PGAP4: variants seen among roughly 807,000 people sequenced by gnomAD.
PGAP4 encodes GPI-N-acetylgalactosamine transferase PGAP4.
PGAP4 carries 12 observed loss-of-function variants against 28.2 expected under a neutral mutation model. That is an observed-to-expected ratio of 0.42 (90% CI 0.27 to 0.69). PGAP4 has a LOEUF of 0.69. Ranked by LOEUF, PGAP4 falls within the 30% of genes least tolerant of loss-of-function variation. PGAP4 has a pLI of 0.22. For synonymous variants in PGAP4, 205 were observed against 211.8 expected (o/e 0.97, Z 0.28); for missense variants, 425 against 513.5 (o/e 0.83, Z 1.67).
At chr9:101,528,613 T>C (rs563609947) in intron 2 of PGAP4, among the ~76,000 whole-genome samples, 47 of 152,242 alleles carry the variant, frequency 3.1e-4, no homozygotes, top group African/African-American at 1.1e-3. Flanking sequence ...AACAGTAATA[T>C]GGAAGAGTAG....
intron 2 of PGAP4, among the ~76,000 whole-genome samples, chr9:101,515,076 G>A (rs1415066143): frequency 6.6e-6 from 1 of 152,118 alleles, no homozygotes; most frequent in African/African-American, 2.4e-5. Flanking sequence ...AATCACTACA[G>A]ATTCAAAACA....
In PGAP4 at chr9:101,473,182, T is replaced by C. The variant is rs1304296182; in HGVS notation, c.*2699A>G. 6.6e-6 allele frequency: 1 copy of C among 152,166 alleles called. No homozygotes were observed. Among genetic ancestry groups the C allele is most frequent in the Non-Finnish European group, 1.5e-5 (1 of 68,022 alleles). 9.4% of individuals were successfully genotyped at this position (152,166 alleles called of 1,614,324 possible). ...GTCTTCTCAGAAAGCCTTAGCAAAA[T>C]GGGTGCTTTTATTTTCACAGACATG... On this transcript the variant is annotated 3_prime_UTR_variant, in exon 2 of 2. Transcript: ENST00000374848.
At chr9:101,485,702 G>T (rs1444680943) in intron 1 of PGAP4, among the ~76,000 whole-genome samples, 1 of 152,128 alleles carries the variant, frequency 6.6e-6, no homozygotes, top group Non-Finnish European at 1.5e-5. Context: ...CTTCAAATGT[G>T]TATACATAGA....
At chr9:101,519,021 G>A (rs974325916) in intron 2 of PGAP4, among the ~76,000 whole-genome samples, 6 of 152,014 alleles carry the variant, frequency 3.9e-5, no homozygotes, top group Non-Finnish European at 1.5e-5. Context: ...CAGGAGTGAG[G>A]TGGTATCACA....
Position 101,480,486 on chromosome 9 carries a change from C to A in PGAP4, c.-77-3317G>T, listed in dbSNP as rs1826453295. On this transcript the variant is annotated intron_variant, in intron 1 of 1. Transcript: ENST00000374848. ...CAAAAGTGACACAGATCACTTCCAC[C>A]CACATTTCACTGACTGGAACAAATC... 2.6e-5 allele frequency among the ~76,000 whole-genome samples: 4 copies of A among 152,150 alleles called. No homozygotes were observed. The South Asian group carries it at 8.3e-4, about 31-fold the overall frequency.
At chr9:101,503,968 TAG>T (rs938683502) in intron 2 of PGAP4, among the ~76,000 whole-genome samples, 3 of 151,974 alleles carry the variant, frequency 2.0e-5, no homozygotes, top group Non-Finnish European at 2.9e-5. Flanking sequence ...AACCAAAATG[TAG>T]TCCATGCTAA....
At chr9:101,505,005 T>C (rs564324564) in intron 2 of PGAP4, among the ~76,000 whole-genome samples, 1 of 152,214 alleles carries the variant, frequency 6.6e-6, no homozygotes, top group East Asian at 1.9e-4. Flanking sequence ...AAAATGTCTA[T>C]GCAATGAAGA....
chr9:101,480,120 C>T (rs530501179), intron 1 of PGAP4, among the ~76,000 whole-genome samples: 4 of 152,214 alleles, frequency 2.6e-5, no homozygotes, highest in East Asian at 1.9e-4. Context: ...AATCTGCTCA[C>T]GGAGTATGGA....
chr9:101,502,154 A>G (rs906195713), intron 2 of PGAP4, among the ~76,000 whole-genome samples: 5 of 152,026 alleles, frequency 3.3e-5, no homozygotes, highest in South Asian at 2.1e-4. Flanking sequence ...ATACATTTCA[A>G]ATGGGTTTGT....
chr9:101,496,243 A>G (rs1826746619), intron 2 of PGAP4, among the ~76,000 whole-genome samples: 2 of 149,664 alleles, frequency 1.3e-5, no homozygotes, highest in African/African-American at 4.9e-5. Flanking sequence ...AGGAGTTGAC[A>G]AAGGTTGAGA....
At chr9:101,494,726 C>A (rs1457011871) in intron 2 of PGAP4, among the ~76,000 whole-genome samples, 1 of 151,558 alleles carries the variant, frequency 6.6e-6, no homozygotes, top group Non-Finnish European at 1.5e-5. Flanking sequence ...TTTTAAAGGA[C>A]TCAAAGCAAT....
chr9:101,505,048 T>C (rs2118598754), intron 2 of PGAP4, among the ~76,000 whole-genome samples: 1 of 152,268 alleles, frequency 6.6e-6, no homozygotes, highest in East Asian at 1.9e-4. Context: ...CTGAACCCTA[T>C]GACATTTCCT....
At chr9:101,489,790 C>T (rs1457763566), upstream of PGAP4, among the ~76,000 whole-genome samples, 3 of 152,136 alleles carry the variant, frequency 2.0e-5, no homozygotes, top group Admixed American at 1.3e-4. Flanking sequence ...AGAAGATATC[C>T]AGTAAAGTCT....
intron 1 of PGAP4, among the ~76,000 whole-genome samples, chr9:101,483,350 T>C (rs1196159631): frequency 6.6e-6 from 1 of 152,186 alleles, no homozygotes; most frequent in Non-Finnish European, 1.5e-5. Context: ...CAGGCACTGT[T>C]CTAAGCATCT....
At chr9:101,495,836 A>T (rs1241421669) in intron 2 of PGAP4, among the ~76,000 whole-genome samples, 1 of 151,176 alleles carries the variant, frequency 6.6e-6, no homozygotes, top group African/African-American at 2.4e-5. Flanking sequence ...ACAAAAAGGT[A>T]AAAAAACCAA....
At chr9:101,482,378 G>A (rs1442707482) in intron 1 of PGAP4, among the ~76,000 whole-genome samples, 2 of 152,112 alleles carry the variant, frequency 1.3e-5, no homozygotes, top group African/African-American at 2.4e-5. Flanking sequence ...CCAGGTAGTC[G>A]GAGGTTGCAG....
rs1826203318 is a variant in PGAP4, at chr9:101,473,185, G to T, written c.*2696C>A. On this transcript the variant is annotated 3_prime_UTR_variant, in exon 2 of 2. Transcript: ENST00000374848. ...TTCTCAGAAAGCCTTAGCAAAATGG[G>T]TGCTTTTATTTTCACAGACATGTCT... The T allele has an allele frequency of 6.6e-6, 1 of 152,180 alleles. No individual in the cohort carries two copies. The highest frequency in any genetic ancestry group is 2.1e-4 in the South Asian group (1 of 4,830). The allele number at this position is 152,180 out of a possible 1,614,324, so 9.4% of individuals were successfully genotyped here.
chr9:101,501,302 G>A (rs921701552), intron 2 of PGAP4, among the ~76,000 whole-genome samples: 11 of 151,996 alleles, frequency 7.2e-5, no homozygotes, highest in Non-Finnish European at 7.4e-5. Context: ...AAACTTACCC[G>A]TAGAATTAGC....
chr9:101,523,630 T>A (rs1464864760), intron 2 of PGAP4, among the ~76,000 whole-genome samples: 55 of 95,398 alleles, frequency 5.8e-4, no homozygotes, highest in East Asian at 1.5e-3. Context: ...TTTTTTTTTT[T>A]TTTTTTTTTT....
Sources: gnomAD v4.1 joint callset for allele counts (sites outside exome capture counted in the v4.1 genomes callset) on GRCh38, gnomAD v4.1.1 for gene constraint, MANE v1.5 for transcripts, NCBI Gene and HGNC (gene_info 2026-07-23, HGNC 2026-07-21) for gene names.